Variants in MAN1B1 observed in about 807,000 individuals in gnomAD.
MAN1B1 encodes the protein endoplasmic reticulum mannosyl-oligosaccharide 1,2-alpha-mannosidase.
A neutral mutation model predicts 75.5 loss-of-function variants in MAN1B1; 66 were observed. The observed-to-expected ratio is 0.87, with a 90% CI of 0.72 to 1.07. The LOEUF (loss-of-function observed/expected upper bound fraction) is 1.07. MAN1B1 is among the 50% of genes least tolerant of loss of function. The probability of loss-of-function intolerance (pLI) is 0.00; values close to 1 mark genes in which losing one functional copy is unlikely to be tolerated. For missense variants in MAN1B1, 973 were observed against 912.5 expected (o/e 1.07, Z -0.85); for synonymous variants, 453 against 382.8 (o/e 1.18, Z -2.14).
chr9:137,096,986 T>C (rs963613492), intron 4 of MAN1B1, among the ~76,000 whole-genome samples: 2 of 152,246 alleles, frequency 1.3e-5, no homozygotes, highest in Non-Finnish European at 2.9e-5. Flanking sequence ...AGGGCTGCTG[T>C]GCAGGAGTGG....
chr9:137,094,231 T>C, intron 3 of MAN1B1: 1 of 165,182 alleles, frequency 6.1e-6, no homozygotes, highest in South Asian at 1.2e-4. Flanking sequence ...CCCAGGCTGG[T>C]CTGGAACTCC....
rs116750751 is a variant in MAN1B1 at position 137,106,420 on chromosome 9, G to A, written c.1445+105G>A. On this transcript the variant is annotated intron_variant, in intron 9 of 12. Transcript: ENST00000371589. ...ACGGCCCCCGCTCCTGCTGCCCCCC[G>A]CCACACTGTGTGTCAGGAAACCGCA... The A allele has an allele frequency of 8.3e-3, 9,370 of 1,131,166 alleles. 453 individuals carry two copies. The African/African-American group carries it at 0.12, about 14-fold the overall frequency. The allele number at this position is 1,131,166 out of a possible 1,614,324, so 70.1% of individuals were successfully genotyped here. A position where few individuals can be genotyped will look rare whatever the true frequency, so the allele number is the denominator to read the frequency against.
chr9:137,087,516 G>C (rs1394633627), intron 1 of MAN1B1: 1 of 619,564 alleles, frequency 1.6e-6, no homozygotes, highest in Non-Finnish European at 3.0e-6. Flanking sequence ...CCAGGCGCCT[G>C]CCCCTCTTGG....
Position 137,101,913 on chromosome 9 carries a change from G to C in MAN1B1, c.1254+241G>C, listed in dbSNP as rs528158731. ...CATTCACACTGTTGCAGGCGTGCAG[G>C]TCGGTGGTGTTACACACATTTGGGC... is the stretch of plus-strand genomic sequence containing the variant. On this transcript the variant is annotated intron_variant, in intron 8 of 12. Coordinates refer to ENST00000371589, the MANE Select transcript of MAN1B1 (RefSeq NM_016219.5). The C allele has an allele frequency of 2.3e-5, 15 of 648,970 alleles. No individual in the cohort carries two copies. The South Asian group carries it at 2.3e-4, about 10-fold the overall frequency. The allele number at this position is 648,970 out of a possible 1,614,324, so 40.2% of individuals were successfully genotyped here.
chr9:137,108,570 G>A lies in MAN1B1; in HGVS notation c.2079G>A (p.Leu693=), dbSNP rs558619741. The change falls in exon 13 of 13, where the codon CTG becomes CTA. Residue 693 remains leucine, a synonymous_variant. Coordinates refer to ENST00000371589, the MANE Select transcript of MAN1B1 (RefSeq NM_016219.5). The stretch of plus-strand genomic sequence containing the variant: ...TGTTCAACACCGAAGCCCACCCTCT[G>A]CCTATCTGGACCCCTGCCTAGGGTG... ...AYVFNTEAHP[L]PIWTPA The A allele has an allele frequency of 3.8e-5, 62 of 1,613,816 alleles. No homozygotes were observed. The highest frequency in any genetic ancestry group is 1.7e-4 in the Middle Eastern group (1 of 6,060).
rs767874742 is a variant in MAN1B1, at chr9:137,106,175, G to A, written c.1305G>A (p.Lys435=). ...TQHIHGLSGK[K]DGLVPMFINT... is the part of the protein sequence containing the mutation. ...ACATCCACGGCCTGTCTGGGAAGAA[G>A]GATGGGCTGGTGCCCATGTTCATCA... Residue 435 remains lysine, a synonymous_variant, in exon 9 of 13, where the codon AAG becomes AAA. Coordinates refer to ENST00000371589, the MANE Select transcript of MAN1B1 (RefSeq NM_016219.5). 14 of 1,612,834 alleles carry A rather than the reference G, an allele frequency of 8.7e-6. No individual in the cohort carries two copies. Among genetic ancestry groups the A allele is most frequent in the Non-Finnish European group, 1.1e-5 (13 of 1,179,856 alleles).
intron 9 of MAN1B1, 21 bp downstream of exon 9, chr9:137,106,336 C>T (rs772289803): frequency 1.1e-5 from 17 of 1,542,354 alleles, no homozygotes; most frequent in Non-Finnish European, 1.3e-5. Flanking sequence ...GCCCGCTGCC[C>T]CCAGCTCCCG....
intron 6 of MAN1B1, among the ~76,000 whole-genome samples, chr9:137,100,417 A>G (rs1018173617): frequency 6.6e-6 from 1 of 152,202 alleles, no homozygotes; most frequent in Non-Finnish European, 1.5e-5. Flanking sequence ...ACTCCGTTTT[A>G]TTAACAAATG....
rs1330222849 is a variant in MAN1B1 at position 137,107,259 on chromosome 9, G to A, written c.1576G>A (p.Val526Met). The change falls in exon 11 of 13, where the codon GTG becomes ATG. Residue 526 changes from valine to methionine, a missense_variant. Val to Met is a conservative substitution (Grantham distance 21). Transcript: ENST00000371589. ...GACCCTCTGATTCCAGGACCACCTG[G>A]TGTGCTTCCTGCCAGGGACGCTGGC... ...GRFSAKMDHL[V>M]CFLPGTLALG... is the part of the protein sequence containing the mutation. The A allele has an allele frequency of 1.9e-6, 3 of 1,612,830 alleles. No homozygotes were observed. The highest frequency in any genetic ancestry group is 1.1e-5 in the South Asian group (1 of 91,084).
Position 137,097,930 on chromosome 9 carries a change from C to T in MAN1B1, c.723C>T (p.Gly241=). 1 of 1,555,892 alleles carries T rather than the reference C, an allele frequency of 6.4e-7. No homozygotes were observed. Among genetic ancestry groups the T allele is most frequent in the Non-Finnish European group, 8.7e-7 (1 of 1,149,906 alleles). Residue 241 remains glycine, a synonymous_variant, in exon 5 of 13, where the codon GGC becomes GGT. Transcript: ENST00000371589. ...CCCTGCCACCGGCCAGGACACAGGGCACACCAGGTGAGGCCACACCTGCAC... is the reference window on the plus strand; with the variant it reads ...CCCTGCCACCGGCCAGGACACAGGGTACACCAGGTGAGGCCACACCTGCAC... The part of the protein sequence containing the change: ...KPPLPPARTQ[G]TPVHLNYRQK...
At position 137,107,556 on chromosome 9, in the gene MAN1B1, G is replaced by A. The variant is rs748628617; in HGVS notation, c.1790G>A (p.Arg597Gln). Residue 597 changes from arginine (R) to glutamine (Q), a missense_variant, in exon 12 of 13, where the codon CGG (arginine) becomes CAG (glutamine). By Grantham distance (43) the Arg-to-Gln change is conservative (BLOSUM62 1). Transcript: ENST00000371589. ...CCAGCAGACAGGCACAACCTGCTGC[G>A]GCCAGAGACCGTGGAGAGCCTGTTC... ...VKPADRHNLL[R>Q]PETVESLFYL... The A allele has an allele frequency of 5.6e-6, 9 of 1,612,734 alleles. No individual in the cohort carries two copies. The highest frequency in any genetic ancestry group is 2.2e-5 in the East Asian group (1 of 44,894).
chr9:137,094,604 C>A (rs1830603800), intron 3 of MAN1B1, among the ~76,000 whole-genome samples: 2 of 151,208 alleles, frequency 1.3e-5, no homozygotes, highest in Admixed American at 1.3e-4. Context: ...TGGGGCCAGG[C>A]ATAGTGGCTC....
Position 137,108,642 on chromosome 9 carries a change from G to A in MAN1B1, c.*51G>A. On this transcript the variant is annotated 3_prime_UTR_variant, in exon 13 of 13. Coordinates refer to ENST00000371589, the MANE Select transcript of MAN1B1 (RefSeq NM_016219.5). The stretch of plus-strand genomic sequence containing the variant: ...TTCGGGTGGGCAGAGGCACCTTGCT[G>A]GGTCTGTGGCATTTTCCAAGGGCCC... 6.4e-7 allele frequency: 1 copy of A among 1,570,622 alleles called. No individual in the cohort carries two copies. Among genetic ancestry groups the A allele is most frequent in the Non-Finnish European group, 8.8e-7 (1 of 1,141,596 alleles).
chr9:137,098,303 C>T (rs1830712173), intron 5 of MAN1B1, among the ~76,000 whole-genome samples: 1 of 152,244 alleles, frequency 6.6e-6, no homozygotes, highest in Non-Finnish European at 1.5e-5. Context: ...TGGGGGCCTC[C>T]CAGGTGCGGG....
intron 3 of MAN1B1, among the ~76,000 whole-genome samples, chr9:137,092,396 G>A (rs1830539855): frequency 6.6e-6 from 1 of 152,108 alleles, no homozygotes; most frequent in Non-Finnish European, 1.5e-5. Context: ...ATCATTGAGG[G>A]TTAGGGGCTG....
At chr9:137,099,443 G>A (rs1830745748) in intron 5 of MAN1B1, among the ~76,000 whole-genome samples, 1 of 152,360 alleles carries the variant, frequency 6.6e-6, no homozygotes, top group Admixed American at 6.5e-5. Context: ...CCAGTCAGGT[G>A]GTCGGGTGAC....
At chr9:137,103,751 G>C (rs1477293526) in intron 8 of MAN1B1, 1 of 451,094 alleles carries the variant, frequency 2.2e-6, no homozygotes, top group Non-Finnish European at 4.5e-6. Flanking sequence ...CAGGCGTGCA[G>C]GTCGGTGGTG....
At chr9:137,087,533 A>C in intron 1 of MAN1B1, 1 of 592,270 alleles carries the variant, frequency 1.7e-6, no homozygotes, top group Non-Finnish European at 3.2e-6. Context: ...TTGGAGCGGA[A>C]ACCGGAGGTT....
At chr9:137,101,798 C>G (rs1433343565) in intron 8 of MAN1B1, 126 bp downstream of exon 8, 1 of 1,126,234 alleles carries the variant, frequency 8.9e-7, no homozygotes. Flanking sequence ...TGATAAAACA[C>G]ACAAAACGCA....
Sources: allele counts gnomAD v4.1 joint callset (sites outside exome capture counted in the v4.1 genomes callset), GRCh38; gene constraint gnomAD v4.1.1; transcripts MANE v1.5; gene names NCBI Gene and HGNC (gene_info 2026-07-23, HGNC 2026-07-21).